Variants in AGAP1 observed in about 807,000 individuals in gnomAD.
The protein encoded by AGAP1 is arf-GAP with GTPase, ANK repeat and PH domain-containing protein 1.
A neutral mutation model predicts 105.3 loss-of-function variants in AGAP1; 29 were observed. That is an observed-to-expected ratio of 0.28 (90% confidence interval 0.21 to 0.38). The LOEUF is 0.38. Ranked by LOEUF, AGAP1 falls within the 10% of genes least tolerant of loss-of-function variation. The probability of loss-of-function intolerance (pLI) is 1.00; values close to 1 mark genes in which losing one functional copy is unlikely to be tolerated. For missense variants in AGAP1, 998 were observed against 1,165.1 expected, an observed-to-expected ratio of 0.86 and a Z score of 2.09; for synonymous variants, 509 against 485.9, an observed-to-expected ratio of 1.05 and a Z score of -0.63.
At chr2:235,681,095 G>A (rs553415120) in intron 1 of AGAP1, among the ~76,000 whole-genome samples, 2 of 151,782 alleles carry the variant, frequency 1.3e-5, no homozygotes, top group East Asian at 2.0e-4. Context: ...TGCAAGCTCC[G>A]CCTCCCAGGT....
rs952913575 is a variant in AGAP1, at chr2:235,692,240, C to T, written c.164-16939C>T. On this transcript the variant is annotated intron_variant, in intron 1 of 17. Coordinates refer to ENST00000304032, the MANE Select transcript of AGAP1 (RefSeq NM_001037131.3). This position sits in a 1 kb window ranked among gnomAD's most constrained non-coding sequence, Gnocchi z 5.8. ...GTGGTGACAGCCATGTAGATATGCC[C>T]GCTGCCTTGCACCTGTTCCTCTGGC... Among the ~76,000 whole-genome samples the T allele has an allele frequency of 6.6e-6, 1 of 152,094 alleles. No individual in the cohort carries two copies. The highest frequency in any genetic ancestry group is 1.5e-5 in the Non-Finnish European group (1 of 68,020).
rs2054992320 is a variant in AGAP1 at position 235,979,336 on chromosome 2, C to T, written c.1645+10713C>T. On this transcript the variant is annotated intron_variant, in intron 13 of 17. Transcript: ENST00000304032. The surrounding 1 kb of genome is among the most constrained non-coding windows in gnomAD (Gnocchi z 4.5). Reference sequence around the variant, plus strand: ...GGAGGGTGGTGATTGATTAAGCCCCCCTGTCGTTCATTTGAATCCTGCATC... The same window carrying T: ...GGAGGGTGGTGATTGATTAAGCCCCTCTGTCGTTCATTTGAATCCTGCATC... Among the ~76,000 whole-genome samples the T allele has an allele frequency of 6.6e-6, 1 of 151,888 alleles. No homozygotes were observed. The highest frequency in any genetic ancestry group is 1.5e-5 in the Non-Finnish European group (1 of 67,970).
At chr2:235,563,685 G>A (rs1222506311) in intron 1 of AGAP1, among the ~76,000 whole-genome samples, 1 of 152,160 alleles carries the variant, frequency 6.6e-6, no homozygotes, top group African/African-American at 2.4e-5. Flanking sequence ...GGAATTTGCT[G>A]TATTCTCTTG....
rs1953783972 is a variant in AGAP1, at chr2:235,754,869, A to T, written c.673+4381A>T. Reference sequence around the variant, plus strand: ...AAACATCAAACGGTCACCCAGAAACATGACCTTGTGTCTTGCTCAGGGGTG... The same window carrying T: ...AAACATCAAACGGTCACCCAGAAACTTGACCTTGTGTCTTGCTCAGGGGTG... On this transcript the variant is annotated intron_variant, in intron 6 of 17. Coordinates refer to ENST00000304032, the MANE Select transcript of AGAP1 (RefSeq NM_001037131.3). The surrounding 1 kb of genome is among the most constrained non-coding windows in gnomAD (Gnocchi z 4.6). Among the ~76,000 whole-genome samples, 1 of 152,244 alleles carries T rather than the reference A, an allele frequency of 6.6e-6. No homozygotes were observed. Among genetic ancestry groups the T allele is most frequent in the Admixed American group, 6.5e-5 (1 of 15,290 alleles).
chr2:235,840,036 C>A (rs1041415770), intron 9 of AGAP1, among the ~76,000 whole-genome samples: 2 of 152,210 alleles, frequency 1.3e-5, no homozygotes, highest in African/African-American at 2.4e-5. Flanking sequence ...AGTGTATTAG[C>A]TGTTTATTCA....
chr2:235,681,703 T>C (rs1449652231), intron 1 of AGAP1, among the ~76,000 whole-genome samples: 1 of 152,232 alleles, frequency 6.6e-6, no homozygotes, highest in Admixed American at 6.5e-5. Flanking sequence ...CTGAATAATG[T>C]CCTCTTAGGA....
chr2:236,102,247 T>C (rs371363024), intron 16 of AGAP1, among the ~76,000 whole-genome samples: 2,395 of 151,442 alleles, frequency 0.016, 23 homozygotes, highest in Non-Finnish European at 0.021. Context: ...GAAACCCTGT[T>C]TCTACTAAAA....
intron 5 of AGAP1, among the ~76,000 whole-genome samples, chr2:235,748,213 CG>C (rs1291017079): frequency 6.6e-6 from 1 of 152,168 alleles, no homozygotes; most frequent in African/African-American, 2.4e-5. Flanking sequence ...CAGAGATTCC[CG>C]TGGTGCACCT....
intron 3 of AGAP1, among the ~76,000 whole-genome samples, chr2:235,726,015 C>G (rs927234141): frequency 1.3e-5 from 2 of 152,274 alleles, no homozygotes; most frequent in East Asian, 3.9e-4. Flanking sequence ...ATTGGCAGGA[C>G]AAAGTGTGTT....
intron 12 of AGAP1, among the ~76,000 whole-genome samples, chr2:235,937,365 A>G (rs1438545309): frequency 6.6e-6 from 1 of 152,140 alleles, no homozygotes; most frequent in Non-Finnish European, 1.5e-5. Context: ...AGGGGGTGAA[A>G]GGTGGATTTT....
chr2:235,905,417 G>A lies in AGAP1; in HGVS notation c.1156-3321G>A, dbSNP rs1427308731. ...ATATTTTCAGTGGATATTAATGGAAGTAAACTAAAGATGCTTGAGAAAAAC... is the reference window on the plus strand; with the variant it reads ...ATATTTTCAGTGGATATTAATGGAAATAAACTAAAGATGCTTGAGAAAAAC... On this transcript the variant is annotated intron_variant, in intron 10 of 17. Transcript: ENST00000304032. The surrounding 1 kb of genome is among the most constrained non-coding windows in gnomAD (Gnocchi z 4.2). Among the ~76,000 whole-genome samples, 1 of 152,234 alleles carries A rather than the reference G, an allele frequency of 6.6e-6. No individual in the cohort carries two copies. Among genetic ancestry groups the A allele is most frequent in the Admixed American group, 6.5e-5 (1 of 15,286 alleles).
rs2059967475 is a variant in AGAP1 at position 236,124,192 on chromosome 2, C to T, written c.*70C>T. On this transcript the variant is annotated 3_prime_UTR_variant, in exon 18 of 18. Transcript: ENST00000304032. The surrounding 1 kb of genome is among the most constrained non-coding windows in gnomAD (Gnocchi z 5.1). ...CCTCGCCGCATTCTCGCTCAGAAGT[C>T]GCAGCACGTGAGTCCCGTCGCATCC... 7 of 1,540,500 alleles carry T rather than the reference C, an allele frequency of 4.5e-6. No individual in the cohort carries two copies. The Admixed American group carries it at 9.2e-5, about 20-fold the overall frequency.
intron 16 of AGAP1, among the ~76,000 whole-genome samples, chr2:236,102,417 CAAAAAAA>C (rs34989933): frequency 8.5e-4 from 56 of 66,220 alleles, no homozygotes; most frequent in African/African-American, 3.3e-3. Flanking sequence ...GACTCCATCT[CAAAAAAA>C]AAAAAAAAAA....
At chr2:235,802,099 G>C (rs1957522220) in intron 8 of AGAP1, among the ~76,000 whole-genome samples, 1 of 152,090 alleles carries the variant, frequency 6.6e-6, no homozygotes, top group African/African-American at 2.4e-5. Flanking sequence ...CATCTGCTCT[G>C]TGCACAGCCC....
chr2:236,028,277 C>A (rs1051828473), intron 13 of AGAP1, among the ~76,000 whole-genome samples: 2 of 152,162 alleles, frequency 1.3e-5, no homozygotes, highest in Non-Finnish European at 2.9e-5. Flanking sequence ...GTTTCATTCT[C>A]CGGGAGAGGA....
Position 235,620,544 on chromosome 2 carries a change from C to T in AGAP1, c.164-88635C>T, listed in dbSNP as rs544872296. On this transcript the variant is annotated intron_variant, in intron 1 of 17. Coordinates refer to ENST00000304032, the MANE Select transcript of AGAP1 (RefSeq NM_001037131.3). This position sits in a 1 kb window ranked among gnomAD's most constrained non-coding sequence, Gnocchi z 4.5. The stretch of plus-strand genomic sequence containing the variant: ...CTGGGGGCCCTTGCAGCTTGGCCCT[C>T]GCATCCTTCAGCCTCACCTCCAGTG... 2.6e-5 allele frequency among the ~76,000 whole-genome samples: 4 copies of T among 152,172 alleles called. No individual in the cohort carries two copies. The highest frequency in any genetic ancestry group is 5.9e-5 in the Non-Finnish European group (4 of 68,032).
intron 13 of AGAP1, among the ~76,000 whole-genome samples, chr2:235,969,326 A>AC (rs1474995551): frequency 7.9e-5 from 12 of 151,896 alleles, no homozygotes; most frequent in African/African-American, 2.7e-4. Context: ...ACATACACAC[A>AC]CACCCCCCAC....
At chr2:235,745,031 A>C (rs1426487707) in intron 5 of AGAP1, among the ~76,000 whole-genome samples, 192 bp downstream of exon 5, 1 of 152,128 alleles carries the variant, frequency 6.6e-6, no homozygotes, top group Non-Finnish European at 1.5e-5. Context: ...CTCATTTAAC[A>C]ACCTGAAAAC....
chr2:235,763,035 G>GGT (rs145122803), intron 6 of AGAP1, among the ~76,000 whole-genome samples: 4,141 of 140,050 alleles, frequency 0.03, 176 homozygotes, highest in African/African-American at 0.096. Flanking sequence ...TTAAGGCTCG[G>GGT]GTGTGTGTGT....
Sources: gnomAD v4.1 joint callset for allele counts (sites outside exome capture counted in the v4.1 genomes callset) on GRCh38, gnomAD v4.1.1 for gene constraint, Gnocchi (gnomAD v3.1) non-coding constraint, MANE v1.5 for transcripts, NCBI Gene and HGNC (gene_info 2026-07-23, HGNC 2026-07-21) for gene names.